The following RYR3 variants were observed in gnomAD, a reference collection of about 807,000 sequenced individuals.
The protein encoded by RYR3 is ryanodine receptor 3.
RYR3 carries 207 observed loss-of-function variants against 584.3 expected under a neutral mutation model. The observed-to-expected ratio is 0.35, with a 90% CI of 0.32 to 0.40. RYR3 has a LOEUF of 0.40. Ranked by LOEUF, RYR3 falls within the 10% of genes least tolerant of loss-of-function variation. The pLI, the probability that RYR3 is intolerant of heterozygous loss-of-function variation, is 1.00. For synonymous variants in RYR3, 2,416 were observed against 2,248.5 expected (o/e 1.07, Z -2.11); for missense variants, 5,616 against 6,089.2 (o/e 0.92, Z 2.59).
intron 57 of RYR3, among the ~76,000 whole-genome samples, chr15:33,753,790 G>A (rs994077496): frequency 5.9e-5 from 9 of 152,118 alleles, no homozygotes; most frequent in East Asian, 1.9e-4. Context: ...GACTCCCGTC[G>A]TCATTTTAAT....
At chr15:33,407,453 C>A (rs1398979998) in intron 1 of RYR3, among the ~76,000 whole-genome samples, 1 of 152,070 alleles carries the variant, frequency 6.6e-6, no homozygotes, top group Admixed American at 6.5e-5. Context: ...AACAGGAAGT[C>A]CATGTTCCTG....
chr15:33,807,048 A>G (rs150622457), intron 69 of RYR3, among the ~76,000 whole-genome samples: 11 of 151,870 alleles, frequency 7.2e-5, no homozygotes, highest in African/African-American at 2.4e-4. Context: ...ACTGTGGCCT[A>G]CGCTACCTTC....
rs762487005 is a variant in RYR3, at chr15:33,669,424, A to G, written c.5690A>G (p.Tyr1897Cys). ...CCAGAGGAGATTCGGGAGGAGCTGTATGATTTCCATGAGGACCTTCTCCTT... is the reference window on the plus strand; with the variant it reads ...CCAGAGGAGATTCGGGAGGAGCTGTGTGATTTCCATGAGGACCTTCTCCTT... ...PCPEEIREEL[Y>C]DFHEDLLLHC... is the part of the protein sequence containing the mutation. The change falls in exon 37 of 104, where the codon TAT becomes TGT. Residue 1897 changes from tyrosine to cysteine, a missense_variant. Tyr to Cys is a radical substitution (Grantham distance 194, BLOSUM62 -2). Transcript: ENST00000634891. 9.3e-6 allele frequency: 15 copies of G among 1,613,868 alleles called. No individual in the cohort carries two copies. In the South Asian group the frequency reaches 1.2e-4, roughly 13 times the overall value.
intron 2 of RYR3, among the ~76,000 whole-genome samples, chr15:33,475,965 A>T (rs1055770712): frequency 6.6e-6 from 1 of 152,214 alleles, no homozygotes; most frequent in Non-Finnish European, 1.5e-5. Context: ...GAGAAATAAT[A>T]TATATAAAGC....
chr15:33,541,302 A>C (rs1282481917), intron 7 of RYR3, among the ~76,000 whole-genome samples: 1 of 152,196 alleles, frequency 6.6e-6, no homozygotes, highest in Admixed American at 6.5e-5. Flanking sequence ...GCATCTCTCC[A>C]TGCAGGCGAA....
At chr15:33,601,054 G>A (rs181766395) in intron 16 of RYR3, among the ~76,000 whole-genome samples, 30 of 152,176 alleles carry the variant, frequency 2.0e-4, no homozygotes, top group African/African-American at 6.5e-4. Context: ...TAGATGCCTC[G>A]CCACACCTTA....
At chr15:33,351,797 A>C (rs11855659) in intron 1 of RYR3, among the ~76,000 whole-genome samples, 1 of 150,272 alleles carries the variant, frequency 6.7e-6, no homozygotes, top group Admixed American at 6.7e-5. Flanking sequence ...ACCCACAGCC[A>C]ATATCATACT....
At chr15:33,848,239 G>A in intron 93 of RYR3, 52 bp from the exon 94 acceptor site, 4 of 1,607,190 alleles carry the variant, frequency 2.5e-6, no homozygotes, top group South Asian at 1.1e-5. Flanking sequence ...CTGGGAGCAG[G>A]AGCTTTAATC....
chr15:33,660,505 A>ATCCAACACAGATGCTCCTG, intron 34 of RYR3, 82 bp downstream of exon 34: 3 of 937,484 alleles, frequency 3.2e-6, no homozygotes, highest in Non-Finnish European at 4.7e-6. Context: ...GGAAACCAGG[A>ATCCAACACAGATGCTCCTG]GCATCTGTGT....
intron 2 of RYR3, among the ~76,000 whole-genome samples, chr15:33,475,418 C>A (rs184965623): frequency 2.0e-5 from 3 of 152,306 alleles, no homozygotes; most frequent in Admixed American, 2.0e-4. Flanking sequence ...CACCTCAGAT[C>A]ATCGGGCATT....
At chr15:33,709,305 A>G (rs1008167276) in intron 43 of RYR3, among the ~76,000 whole-genome samples, 3 of 152,186 alleles carry the variant, frequency 2.0e-5, no homozygotes, top group Non-Finnish European at 4.4e-5. Flanking sequence ...TATCTTATTG[A>G]GGAGATCAGA....
chr15:33,428,028 C>T (rs2044791128), intron 1 of RYR3, among the ~76,000 whole-genome samples: 2 of 152,236 alleles, frequency 1.3e-5, no homozygotes, highest in Admixed American at 1.3e-4. Context: ...CAATCCCTAT[C>T]ATCAGATATA....
chr15:33,381,408 G>A (rs536237921), intron 1 of RYR3, among the ~76,000 whole-genome samples: 82 of 148,092 alleles, frequency 5.5e-4, no homozygotes, highest in Admixed American at 4.6e-4. Context: ...CAAACAGCAG[G>A]TGCTCAATAA....
chr15:33,676,951 C>A (rs1194016341), intron 38 of RYR3, among the ~76,000 whole-genome samples: 1 of 152,140 alleles, frequency 6.6e-6, no homozygotes, highest in African/African-American at 2.4e-5. Context: ...GAGAGAAAGT[C>A]GAACACTTAA....
rs116875138 is a variant in RYR3, at chr15:33,625,891, G to A, written c.2574+1868G>A. Among the ~76,000 whole-genome samples, 229 of 152,262 alleles carry A rather than the reference G, an allele frequency of 1.5e-3. 1 individual carries two copies. The East Asian group carries it at 0.03, about 20-fold the overall frequency. On this transcript the variant is annotated intron_variant, in intron 20 of 103. Coordinates refer to ENST00000634891, the MANE Select transcript of RYR3 (RefSeq NM_001036.6). ...GGGCTCTTTTTTTAGGCAGATAAGA[G>A]GAGTCCAGAAAAAGCCCCATCCTGT...
chr15:33,859,446 C>A, intron 99 of RYR3, 129 bp from the exon 100 acceptor site: 1 of 909,982 alleles, frequency 1.1e-6, no homozygotes, highest in South Asian at 1.6e-5. Flanking sequence ...AATACTGGCA[C>A]CTCTGAAGAG....
rs185660504 is a variant in RYR3 at position 33,627,553 on chromosome 15, A to C, written c.2575-918A>C. ...TAATAAGGGTTAAGGTTGCATATGC[A>C]AGGGCACAGAACTGTGAAACAGTGT... On this transcript the variant is annotated intron_variant, in intron 20 of 103. Transcript: ENST00000634891. Among the ~76,000 whole-genome samples, 9 of 152,320 alleles carry C rather than the reference A, an allele frequency of 5.9e-5. No individual in the cohort carries two copies. In the East Asian group the frequency reaches 1.5e-3, roughly 26 times the overall value.
At chr15:33,761,375 A>G (rs1259888418) in intron 60 of RYR3, among the ~76,000 whole-genome samples, 1 of 152,202 alleles carries the variant, frequency 6.6e-6, no homozygotes, top group Non-Finnish European at 1.5e-5. Context: ...AGAAGAAAAG[A>G]GAGAAGAATC....
At chr15:33,630,315 G>A (rs969544697) in intron 22 of RYR3, among the ~76,000 whole-genome samples, 9 of 152,252 alleles carry the variant, frequency 5.9e-5, no homozygotes, top group African/African-American at 1.9e-4. Flanking sequence ...AGTACCTCCT[G>A]CAGTTCACAT....
Sources: gnomAD v4.1 joint callset for allele counts (sites outside exome capture counted in the v4.1 genomes callset) on GRCh38, gnomAD v4.1.1 for gene constraint, MANE v1.5 for transcripts, NCBI Gene and HGNC (gene_info 2026-07-23, HGNC 2026-07-21) for gene names.